The following PEX5L variants were observed in gnomAD, a reference collection of about 807,000 sequenced individuals.
The protein encoded by PEX5L is peroxisomal biogenesis factor 5 like, also known as PEX5-related protein.
PEX5L carries 30 observed loss-of-function variants against 84.0 expected under a neutral mutation model. The ratio of observed to expected loss-of-function variants is 0.36; its 90% CI spans 0.27 to 0.48. The LOEUF is 0.48. Among genes scored for constraint, PEX5L ranks in the 20% least tolerant of loss-of-function variants. PEX5L has a pLI of 0.99. For missense variants in PEX5L, 533 were observed against 754.6 expected (o/e 0.71, Z 3.44); for synonymous variants, 270 against 283.1 (o/e 0.95, Z 0.46).
At chr3:179,820,709 T>A (rs1728184297) in intron 8 of PEX5L, among the ~76,000 whole-genome samples, 1 of 152,244 alleles carries the variant, frequency 6.6e-6, no homozygotes, top group Non-Finnish European at 1.5e-5. Context: ...TCTTCTTTAC[T>A]TCAAGGGAGG....
At chr3:179,899,123 T>C (rs533674719) in intron 2 of PEX5L, among the ~76,000 whole-genome samples, 8 of 152,094 alleles carry the variant, frequency 5.3e-5, no homozygotes, top group Non-Finnish European at 1.2e-4. Context: ...TAAAGGGATA[T>C]GGTGGCTTTC....
At chr3:179,873,997 G>A (rs1049823357) in intron 7 of PEX5L, among the ~76,000 whole-genome samples, 7 of 152,128 alleles carry the variant, frequency 4.6e-5, no homozygotes, top group African/African-American at 1.7e-4. Context: ...GTTCTGTTAT[G>A]TAAATAGTGC....
At chr3:179,981,733 G>C (rs1786349787) in intron 1 of PEX5L, among the ~76,000 whole-genome samples, 1 of 152,054 alleles carries the variant, frequency 6.6e-6, no homozygotes, top group African/African-American at 2.4e-5. Context: ...AAAATTTTGT[G>C]CTTAGTGAAG....
intron 8 of PEX5L, among the ~76,000 whole-genome samples, chr3:179,835,861 A>G (rs1266574732): frequency 6.6e-6 from 1 of 152,166 alleles, no homozygotes; most frequent in Non-Finnish European, 1.5e-5. Context: ...TTAGGAGAGT[A>G]TTTTAGAGAC....
intron 2 of PEX5L, among the ~76,000 whole-genome samples, chr3:179,965,435 G>A (rs542121997): frequency 4.6e-5 from 7 of 152,256 alleles, no homozygotes; most frequent in Non-Finnish European, 7.4e-5. Flanking sequence ...ATGAAAAAAT[G>A]TAAACTCAGA....
At chr3:179,874,016 G>C (rs1421146788) in intron 7 of PEX5L, among the ~76,000 whole-genome samples, 1 of 152,080 alleles carries the variant, frequency 6.6e-6, no homozygotes, top group Non-Finnish European at 1.5e-5. Flanking sequence ...GCTAATAATA[G>C]AGTAGAACAG....
At chr3:179,840,164 TGTG>T (rs1736555998) in intron 8 of PEX5L, among the ~76,000 whole-genome samples, 3 of 108,600 alleles carry the variant, frequency 2.8e-5, no homozygotes, top group African/African-American at 1.2e-4. Context: ...TTGTTTTTTG[TGTG>T]TGTGTGTGTG....
intron 1 of PEX5L, among the ~76,000 whole-genome samples, chr3:180,017,191 T>C (rs1790019712): frequency 6.6e-6 from 1 of 152,328 alleles, no homozygotes; most frequent in Admixed American, 6.5e-5. Flanking sequence ...TTTTGACTTA[T>C]GAATAGCTTG....
At chr3:179,957,163 A>G (rs1217025671) in intron 2 of PEX5L, among the ~76,000 whole-genome samples, 1 of 152,256 alleles carries the variant, frequency 6.6e-6, no homozygotes, top group Admixed American at 6.5e-5. Context: ...CTATAAAAAA[A>G]TTAAAATTAT....
At chr3:179,961,281 A>T (rs1225035261) in intron 2 of PEX5L, among the ~76,000 whole-genome samples, 1 of 151,972 alleles carries the variant, frequency 6.6e-6, no homozygotes, top group Non-Finnish European at 1.5e-5. Context: ...AACTGGGGGT[A>T]AACCATGTGA....
chr3:179,960,720 C>A (rs990957322), intron 2 of PEX5L, among the ~76,000 whole-genome samples: 1 of 152,260 alleles, frequency 6.6e-6, no homozygotes, highest in East Asian at 1.9e-4. Flanking sequence ...CAATATCTAA[C>A]CTGTTTATGA....
At chr3:179,867,867 T>C (rs1489978932) in intron 7 of PEX5L, among the ~76,000 whole-genome samples, 3 of 152,116 alleles carry the variant, frequency 2.0e-5, no homozygotes, top group Non-Finnish European at 4.4e-5. Context: ...TGATACACAT[T>C]CTTTAAAATT....
chr3:179,890,561 T>C (rs930398777), intron 3 of PEX5L, among the ~76,000 whole-genome samples: 3 of 152,218 alleles, frequency 2.0e-5, no homozygotes, highest in Non-Finnish European at 4.4e-5. Flanking sequence ...AACTGAGTTC[T>C]CTTATTCATA....
intron 2 of PEX5L, among the ~76,000 whole-genome samples, chr3:179,963,578 A>T (rs980575998): frequency 6.6e-6 from 1 of 152,204 alleles, no homozygotes; most frequent in Non-Finnish European, 1.5e-5. Context: ...AGCAAGTCAT[A>T]AACTGGACCC....
intron 4 of PEX5L, chr3:179,881,731 T>C (rs1234571932): frequency 6.6e-6 from 1 of 152,174 alleles, no homozygotes; most frequent in Non-Finnish European, 1.5e-5. Flanking sequence ...AAAATGCTAC[T>C]GGGAATAAAA....
At chr3:179,946,213 C>A (rs1468533218) in intron 2 of PEX5L, among the ~76,000 whole-genome samples, 1 of 152,078 alleles carries the variant, frequency 6.6e-6, no homozygotes, top group Non-Finnish European at 1.5e-5. Context: ...TCAGAATAAT[C>A]TTGAGCTTCA....
intron 1 of PEX5L, among the ~76,000 whole-genome samples, chr3:180,023,486 T>A (rs2056598): frequency 0.46 from 70,437 of 151,938 alleles, 19,209 homozygotes; most frequent in African/African-American, 0.77. Flanking sequence ...AATATCAAGC[T>A]TCTCGATGTT....
rs71182519 is a variant in PEX5L at position 179,808,446 on chromosome 3, GAA to G, written c.1353-11_1353-10del. 5.2e-6 allele frequency: 7 copies of G among 1,359,036 alleles called. No homozygotes were observed. The highest frequency in any genetic ancestry group is 5.7e-5 in the Admixed American group (2 of 35,120). The allele number at this position is 1,359,036 out of a possible 1,614,324, so 84.2% of individuals were successfully genotyped here. Reference sequence around the variant, plus strand: ...CCCCTTCCAGAACAGAGCTACAAGAGAAAAAAAAAATTAGATTTGTAATCCAA... The same window carrying G: ...CCCCTTCCAGAACAGAGCTACAAGAGAAAAAAAATTAGATTTGTAATCCAA... On this transcript the variant is annotated splice_polypyrimidine_tract_variant and intron_variant, in intron 12 of 14. Coordinates refer to ENST00000467460, the MANE Select transcript of PEX5L (RefSeq NM_016559.3).
intron 2 of PEX5L, among the ~76,000 whole-genome samples, chr3:179,941,269 C>T (rs1358990581): frequency 6.6e-6 from 1 of 152,220 alleles, no homozygotes; most frequent in African/African-American, 2.4e-5. Flanking sequence ...TATACGTTCA[C>T]ATTGTTGTGT....
Sources: allele counts gnomAD v4.1 joint callset (sites outside exome capture counted in the v4.1 genomes callset), GRCh38; gene constraint gnomAD v4.1.1; transcripts MANE v1.5; gene names NCBI Gene and HGNC (gene_info 2026-07-23, HGNC 2026-07-21).